ZNF521: variants seen among roughly 807,000 people sequenced by gnomAD.
ZNF521 encodes LYST-interacting protein 3.
A neutral mutation model predicts 105.5 loss-of-function variants in ZNF521; 14 were observed. The observed-to-expected ratio is 0.13, with a 90% confidence interval of 0.09 to 0.21. The LOEUF (loss-of-function observed/expected upper bound fraction) is 0.21. ZNF521 is among the 10% of genes least tolerant of loss of function. The pLI, the probability that ZNF521 is intolerant of heterozygous loss-of-function variation, is 1.00. For synonymous variants in ZNF521, 635 were observed against 606.0 expected (o/e 1.05, Z -0.70); for missense variants, 1,233 against 1,629.7 (o/e 0.76, Z 4.19).
chr18:25,351,040 G>T (rs1235231119), intron 1 of ZNF521, 93 bp from the exon 2 acceptor site: 2 of 1,090,434 alleles, frequency 1.8e-6, no homozygotes, highest in Non-Finnish European at 2.4e-6. Context: ...GGCGCCTCGC[G>T]CCCTCCGCTC....
intron 5 of ZNF521, among the ~76,000 whole-genome samples, chr18:25,148,064 A>C (rs2034977661): frequency 6.6e-6 from 1 of 152,122 alleles, no homozygotes. Context: ...TTGCTGCACA[A>C]AGCTAGGGGT....
At chr18:25,080,654 C>A (rs1019205784) in intron 7 of ZNF521, among the ~76,000 whole-genome samples, 2 of 152,210 alleles carry the variant, frequency 1.3e-5, no homozygotes, top group African/African-American at 4.8e-5. Flanking sequence ...CAGGAAGACG[C>A]TGGAATGGAT....
intron 7 of ZNF521, among the ~76,000 whole-genome samples, chr18:25,088,423 G>T (rs551566226): frequency 5.9e-4 from 90 of 151,824 alleles, no homozygotes; most frequent in Non-Finnish European, 1.3e-4. Context: ...GTTTCACCGT[G>T]TTAGCCAGGA....
At chr18:25,074,043 T>TGCAC (rs1555631247) in intron 7 of ZNF521, among the ~76,000 whole-genome samples, 1 of 114,826 alleles carries the variant, frequency 8.7e-6, no homozygotes, top group Non-Finnish European at 2.1e-5. Context: ...TGCATGTGTG[T>TGCAC]GTCTGTGCAC....
intron 2 of ZNF521, 86 bp downstream of exon 2, chr18:25,350,821 G>A (rs1044583346): frequency 1.4e-5 from 21 of 1,450,978 alleles, no homozygotes; most frequent in Non-Finnish European, 1.9e-5. Context: ...GCGCGCACAC[G>A]CCTCGCAGCC....
At chr18:25,205,141 T>TAAAAAAAAAAAAAAAAAAAAAAAA (rs34563599) in intron 4 of ZNF521, among the ~76,000 whole-genome samples, 1 of 74,934 alleles carries the variant, frequency 1.3e-5, no homozygotes, top group African/African-American at 6.2e-5. Flanking sequence ...GTAGTGAAGG[T>TAAAAAAAAAAAAAAAAAAAAAAAA]AAAAAAAAAA....
intron 5 of ZNF521, among the ~76,000 whole-genome samples, chr18:25,178,375 G>A (rs908436286): frequency 2.0e-5 from 3 of 152,106 alleles, no homozygotes; most frequent in African/African-American, 4.8e-5. Flanking sequence ...ACATCATTCC[G>A]AACAAAGCTC....
chr18:25,220,609 C>A (rs1335286122), intron 4 of ZNF521, among the ~76,000 whole-genome samples: 4 of 152,156 alleles, frequency 2.6e-5, no homozygotes, highest in Admixed American at 2.6e-4. Context: ...CTACACTGTT[C>A]CTTCTATTTT....
chr18:25,277,809 G>T (rs1600247775), intron 3 of ZNF521, among the ~76,000 whole-genome samples: 1 of 152,178 alleles, frequency 6.6e-6, no homozygotes. Flanking sequence ...AGGAGTCAAA[G>T]ATGATGAGGC....
intron 4 of ZNF521, among the ~76,000 whole-genome samples, chr18:25,208,695 ATTT>A (rs779496827): frequency 2.6e-5 from 4 of 152,240 alleles, no homozygotes; most frequent in Admixed American, 6.5e-5. Context: ...TTGCAATATT[ATTT>A]TGTTATGCCA....
chr18:25,298,749 A>T (rs1911460543), intron 3 of ZNF521, among the ~76,000 whole-genome samples: 1 of 152,058 alleles, frequency 6.6e-6, no homozygotes, highest in African/African-American at 2.4e-5. Flanking sequence ...AGTATGCTTT[A>T]AAAAAAATCA....
rs1568094696 is a variant in ZNF521, at chr18:25,350,890, AG to A, written c.40+16del. ...TCGCGGATGGGGGAAAGCGGGGAGC[AG>A]GGGGTTCCTCCTTACCTTTGAGGGA... On this transcript the variant is annotated intron_variant, in intron 2 of 7. Transcript: ENST00000361524. The A allele has an allele frequency of 1.3e-6, 2 of 1,548,086 alleles. No individual in the cohort carries two copies. The highest frequency in any genetic ancestry group is 2.0e-5 in the Admixed American group (1 of 50,770).
intron 3 of ZNF521, among the ~76,000 whole-genome samples, chr18:25,259,080 A>C (rs574785344): frequency 6.6e-6 from 1 of 152,320 alleles, no homozygotes; most frequent in African/African-American, 2.4e-5. Context: ...GAACCCATGT[A>C]GTTAGAGGTC....
At chr18:25,095,008 T>C (rs1338009234) in intron 5 of ZNF521, among the ~76,000 whole-genome samples, 1 of 152,212 alleles carries the variant, frequency 6.6e-6, no homozygotes, top group East Asian at 1.9e-4. Flanking sequence ...AACTCTTCTC[T>C]TCTAATTCCA....
intron 3 of ZNF521, among the ~76,000 whole-genome samples, chr18:25,277,513 A>G (rs760497994): frequency 3.9e-5 from 6 of 152,232 alleles, no homozygotes; most frequent in Non-Finnish European, 7.3e-5. Flanking sequence ...ACCCTCAACT[A>G]TTAAGTAAAA....
At chr18:25,308,994 T>C (rs1299210819) in intron 3 of ZNF521, among the ~76,000 whole-genome samples, 1 of 152,212 alleles carries the variant, frequency 6.6e-6, no homozygotes, top group Non-Finnish European at 1.5e-5. Context: ...TATCACTATA[T>C]AGCTGTCAGG....
intron 3 of ZNF521, among the ~76,000 whole-genome samples, chr18:25,318,443 T>C (rs1024719966): frequency 1.3e-5 from 2 of 152,230 alleles, no homozygotes; most frequent in Non-Finnish European, 2.9e-5. Flanking sequence ...TTATAATTTA[T>C]GAATTTCACT....
At chr18:25,204,814 A>G (rs771210641) in intron 4 of ZNF521, among the ~76,000 whole-genome samples, 7 of 152,126 alleles carry the variant, frequency 4.6e-5, no homozygotes, top group Non-Finnish European at 7.4e-5. Flanking sequence ...CAGTCCACTG[A>G]GACCTTCCAA....
intron 5 of ZNF521, among the ~76,000 whole-genome samples, chr18:25,124,164 A>T (rs1257703847): frequency 6.6e-6 from 1 of 152,114 alleles, no homozygotes; most frequent in Non-Finnish European, 1.5e-5. Context: ...CGAGGAGAGC[A>T]AAAATCTCTA....
Sources: gnomAD v4.1 joint callset for allele counts (sites outside exome capture counted in the v4.1 genomes callset) on GRCh38, gnomAD v4.1.1 for gene constraint, MANE v1.5 for transcripts, NCBI Gene and HGNC (gene_info 2026-07-23, HGNC 2026-07-21) for gene names.